FFAR1: variants seen among roughly 807,000 people sequenced by gnomAD.
FFAR1 encodes G-protein coupled receptor 40.
For missense variants in FFAR1, 424 were observed against 396.2 expected, an observed-to-expected ratio of 1.07 and a Z score of -0.60; for synonymous variants, 216 against 201.5, an observed-to-expected ratio of 1.07 and a Z score of -0.61.
upstream of FFAR1, among the ~76,000 whole-genome samples, chr19:35,350,023 C>T (rs975151987): frequency 2.6e-5 from 4 of 152,162 alleles, no homozygotes; most frequent in African/African-American, 7.2e-5. Context: ...GCTACGCAGC[C>T]GGCCGGTGCC....
chr19:35,348,867 G>A (rs1198949745), upstream of FFAR1, among the ~76,000 whole-genome samples: 1 of 152,196 alleles, frequency 6.6e-6, no homozygotes, highest in African/African-American at 2.4e-5. Context: ...TAAGCCTGAA[G>A]GGCCTGGCTT....
upstream of FFAR1, among the ~76,000 whole-genome samples, chr19:35,350,483 C>T (rs369076616): frequency 0.012 from 1,761 of 152,214 alleles, 20 homozygotes; most frequent in Non-Finnish European, 0.017. Context: ...CTGGCCCCAG[C>T]GCAGGTGTGA....
chr19:35,352,553 C>T, exon 1 of FFAR1: 4 of 1,333,454 alleles, frequency 3.0e-6, no homozygotes, highest in Non-Finnish European at 4.0e-6. Context: ...GGCAGCCTGG[C>T]CCGGAGGCCT....
At chr19:35,351,856 C>T (rs765964806) in exon 1 of FFAR1, 2 of 1,612,986 alleles carry the variant, frequency 1.2e-6, no homozygotes, top group East Asian at 4.5e-5. Context: ...GCCCTGAGTG[C>T]AGGCCGCTAC....
At chr19:35,349,132 C>A (rs574545465), upstream of FFAR1, among the ~76,000 whole-genome samples, 1 of 152,284 alleles carries the variant, frequency 6.6e-6, no homozygotes, top group Non-Finnish European at 1.5e-5. Context: ...ATTTAGGTTC[C>A]CAAACACCTG....
Position 35,351,951 on chromosome 19 carries a change from G to A in FFAR1, c.400G>A (p.Val134Ile), listed in dbSNP as rs766837299. ...GGTGTGCGCGGCCATCTGGGCCCTC[G>A]TCCTGTGTCACCTGGGTCTGGTCTT... The change falls in exon 1 of 1, where the codon GTC becomes ATC. Residue 134 changes from valine (V) to isoleucine (I), a missense_variant. Val to Ile is a conservative substitution (Grantham distance 29, BLOSUM62 3). Transcript: ENST00000246553. 2.5e-6 allele frequency: 4 copies of A among 1,614,020 alleles called. No homozygotes were observed. The African/African-American group carries it at 4.0e-5, about 16-fold the overall frequency.
exon 1 of FFAR1, chr19:35,351,775 C>G (rs1376995308): frequency 1.3e-6 from 2 of 1,577,646 alleles, no homozygotes; most frequent in Non-Finnish European, 1.7e-6. Flanking sequence ...TGGCCTCTGC[C>G]GGCCTCGCTG....
At chr19:35,348,208 G>T (rs2066929155), upstream of FFAR1, among the ~76,000 whole-genome samples, 1 of 152,178 alleles carries the variant, frequency 6.6e-6, no homozygotes, top group African/African-American at 2.4e-5. Flanking sequence ...TAGGAATTAT[G>T]GTTCAGGGAG....
At chr19:35,351,685 C>T (rs1294724208) in exon 1 of FFAR1, 1 of 1,562,098 alleles carries the variant, frequency 6.4e-7, no homozygotes. Flanking sequence ...CTGGTCTACG[C>T]CCTGAACCTG....
upstream of FFAR1, among the ~76,000 whole-genome samples, chr19:35,347,981 C>T (rs149413821): frequency 7.9e-5 from 12 of 152,342 alleles, no homozygotes; most frequent in African/African-American, 2.9e-4. Flanking sequence ...GTTAGGTGCC[C>T]CAGCTCCCCT....
chr19:35,352,319 C>T, exon 1 of FFAR1: 1 of 1,552,154 alleles, frequency 6.4e-7, no homozygotes. Flanking sequence ...TAGGAGGCTC[C>T]TGGCGGAAGC....
At chr19:35,351,378 G>T (rs2066943419), upstream of FFAR1, 1 of 175,374 alleles carries the variant, frequency 5.7e-6, no homozygotes, top group African/African-American at 2.4e-5. Flanking sequence ...CCTGACTGCT[G>T]CCTTTCTCTG....
exon 1 of FFAR1, chr19:35,352,283 C>A: frequency 6.4e-7 from 1 of 1,552,278 alleles, no homozygotes; most frequent in Non-Finnish European, 8.7e-7. Flanking sequence ...ACGCCTCCAA[C>A]GTGGCCAGCT....
exon 1 of FFAR1, chr19:35,352,779 G>T: frequency 2.5e-6 from 1 of 405,974 alleles, no homozygotes; most frequent in South Asian, 3.1e-5. Flanking sequence ...GTACTTACGG[G>T]AAGGAGGAGG....
At position 35,352,492 on chromosome 19, in the gene FFAR1, C is replaced by G. The variant is rs372542737; in HGVS notation, c.*38C>G. 4 of 1,534,560 alleles carry G rather than the reference C, an allele frequency of 2.6e-6. No individual in the cohort carries two copies. In the South Asian group the frequency reaches 4.8e-5, roughly 18 times the overall value. On this transcript the variant is annotated 3_prime_UTR_variant, in exon 1 of 1. Transcript: ENST00000246553. The stretch of plus-strand genomic sequence containing the variant: ...GGGGAAGGAGCATGGGGCAGGAGGG[C>G]CCGGCTGCTTCTCCAGGCCCCTGCG...
upstream of FFAR1, among the ~76,000 whole-genome samples, chr19:35,349,213 G>A (rs2066934431): frequency 6.6e-6 from 1 of 152,190 alleles, no homozygotes; most frequent in Non-Finnish European, 1.5e-5. Flanking sequence ...TAGCTCAGGA[G>A]CCAGCCAAGA....
upstream of FFAR1, among the ~76,000 whole-genome samples, chr19:35,350,419 G>T (rs2066939184): frequency 6.6e-6 from 1 of 152,220 alleles, no homozygotes; most frequent in Admixed American, 6.5e-5. Flanking sequence ...GTTGTCAGGG[G>T]TGAGCCAGTG....
At chr19:35,352,482 G>A (rs2066950236) in exon 1 of FFAR1, 1 of 1,541,182 alleles carries the variant, frequency 6.5e-7, no homozygotes, top group Non-Finnish European at 8.8e-7. Context: ...AGGAGCATGG[G>A]GCAGGAGGGC....
upstream of FFAR1, among the ~76,000 whole-genome samples, chr19:35,349,091 G>A (rs1384237077): frequency 2.0e-5 from 3 of 152,214 alleles, no homozygotes; most frequent in African/African-American, 7.2e-5. Flanking sequence ...AGCTCTCACA[G>A]TCCTCCCAGG....
Sources: allele counts gnomAD v4.1 joint callset (sites outside exome capture counted in the v4.1 genomes callset), GRCh38; gene constraint gnomAD v4.1.1; transcripts MANE v1.5; gene names NCBI Gene and HGNC (gene_info 2026-07-23, HGNC 2026-07-21).